KCNIP1: variants seen among roughly 807,000 people sequenced by gnomAD.
KCNIP1 encodes the protein potassium voltage-gated channel interacting protein 1, also known as A-type potassium channel modulatory protein KCNIP1.
A neutral mutation model predicts 33.0 loss-of-function variants in KCNIP1; 18 were observed. That is an observed-to-expected ratio of 0.55 (90% CI 0.38 to 0.81). The LOEUF (loss-of-function observed/expected upper bound fraction) is 0.81. KCNIP1 is among the 30% of genes least tolerant of loss of function. KCNIP1 has a pLI of 0.00. For synonymous variants in KCNIP1, 93 were observed against 98.3 expected, an observed-to-expected ratio of 0.95 and a Z score of 0.32; for missense variants, 238 against 271.6, an observed-to-expected ratio of 0.88 and a Z score of 0.87.
In KCNIP1 at chr5:170,364,401, A is replaced by G. The variant is rs576291679; in HGVS notation, c.88+10437A>G. Among the ~76,000 whole-genome samples the G allele has an allele frequency of 2.6e-5, 4 of 152,208 alleles. No individual in the cohort carries two copies. In the East Asian group the frequency reaches 7.7e-4, roughly 29 times the overall value. On this transcript the variant is annotated intron_variant, in intron 1 of 7. Transcript: ENST00000377360. ...CAATATTCCATTGTCTGGATACTAC[A>G]TTTTGCTTTTTATCCATTGATGGAC...
intron 1 of KCNIP1, among the ~76,000 whole-genome samples, chr5:170,381,339 G>A (rs1224212532): frequency 6.6e-6 from 1 of 152,208 alleles, no homozygotes; most frequent in Non-Finnish European, 1.5e-5. Flanking sequence ...ACAGACAATG[G>A]GAGGGAATTT....
At chr5:170,563,636 T>TG (rs1186795239) in intron 1 of KCNIP1, among the ~76,000 whole-genome samples, 9 of 79,062 alleles carry the variant, frequency 1.1e-4, no homozygotes, top group East Asian at 7.7e-4. Flanking sequence ...TGTTTTGTTT[T>TG]TTTTTTTGTT....
intron 1 of KCNIP1, among the ~76,000 whole-genome samples, chr5:170,442,398 G>A (rs1264846797): frequency 3.9e-5 from 6 of 152,188 alleles, no homozygotes; most frequent in Admixed American, 1.3e-4. Flanking sequence ...TGTCCAAGTC[G>A]CTGTCCTATT....
intron 7 of KCNIP1, 67 bp downstream of exon 7, chr5:170,733,965 G>T: frequency 7.4e-7 from 1 of 1,344,150 alleles, no homozygotes; most frequent in South Asian, 1.2e-5. Flanking sequence ...CTGGGGACCT[G>T]CAGAAGGAAG....
intron 1 of KCNIP1, among the ~76,000 whole-genome samples, chr5:170,359,140 T>G (rs1434948151): frequency 6.6e-6 from 1 of 152,142 alleles, no homozygotes; most frequent in Non-Finnish European, 1.5e-5. Flanking sequence ...TCAGTATCCC[T>G]ATCACCTCTC....
chr5:170,443,857 G>A (rs535281398), intron 1 of KCNIP1, among the ~76,000 whole-genome samples: 9 of 152,334 alleles, frequency 5.9e-5, no homozygotes, highest in African/African-American at 1.9e-4. Context: ...TCCAGAAATG[G>A]GCAGGAAGTG....
At chr5:170,378,737 G>C in intron 1 of KCNIP1, 3 of 1,613,974 alleles carry the variant, frequency 1.9e-6, no homozygotes, top group Non-Finnish European at 2.5e-6. Flanking sequence ...ACAGGTACTG[G>C]TTGCTCTTCA....
intron 1 of KCNIP1, among the ~76,000 whole-genome samples, chr5:170,517,192 A>G (rs1274492206): frequency 6.6e-6 from 1 of 152,116 alleles, no homozygotes; most frequent in Non-Finnish European, 1.5e-5. Flanking sequence ...GCTAAAGGGG[A>G]AGCAGGCATA....
At chr5:170,661,266 G>T (rs1203645277) in intron 1 of KCNIP1, among the ~76,000 whole-genome samples, 1 of 152,206 alleles carries the variant, frequency 6.6e-6, no homozygotes, top group Non-Finnish European at 1.5e-5. Flanking sequence ...GGGTCTGTGT[G>T]TTCCCCTGTG....
chr5:170,671,026 T>C (rs1761901720), intron 1 of KCNIP1, among the ~76,000 whole-genome samples: 1 of 152,160 alleles, frequency 6.6e-6, no homozygotes, highest in Non-Finnish European at 1.5e-5. Context: ...CCTTTAGGCA[T>C]TAACACCACC....
At chr5:170,688,958 A>C (rs983597415) in intron 1 of KCNIP1, among the ~76,000 whole-genome samples, 5 of 141,384 alleles carry the variant, frequency 3.5e-5, no homozygotes, top group Non-Finnish European at 7.8e-5. Context: ...GGATAGAAAG[A>C]AGGGAAGGGT....
chr5:170,370,940 G>A (rs898919440), intron 1 of KCNIP1, among the ~76,000 whole-genome samples: 2 of 152,224 alleles, frequency 1.3e-5, no homozygotes, highest in African/African-American at 2.4e-5. Flanking sequence ...TTTAGTTAAC[G>A]ATAGTAAAAG....
chr5:170,719,577 C>T (rs111998655), intron 2 of KCNIP1, among the ~76,000 whole-genome samples: 112 of 152,164 alleles, frequency 7.4e-4, no homozygotes, highest in African/African-American at 2.5e-3. Flanking sequence ...TGGGCTACAG[C>T]GACATGCACC....
At chr5:170,506,256 T>C (rs1754713375) in intron 1 of KCNIP1, among the ~76,000 whole-genome samples, 1 of 152,136 alleles carries the variant, frequency 6.6e-6, no homozygotes, top group Non-Finnish European at 1.5e-5. Context: ...ACTCCCTGCC[T>C]CTGGGACCTT....
At chr5:170,408,851 T>G (rs1379229452) in intron 1 of KCNIP1, among the ~76,000 whole-genome samples, 1 of 152,118 alleles carries the variant, frequency 6.6e-6, no homozygotes, top group African/African-American at 2.4e-5. Flanking sequence ...TGGGTCTTTT[T>G]GCGTGGGTAT....
At chr5:170,462,290 CA>C (rs939628528) in intron 1 of KCNIP1, among the ~76,000 whole-genome samples, 3 of 135,426 alleles carry the variant, frequency 2.2e-5, no homozygotes, top group Admixed American at 7.2e-5. Flanking sequence ...AAAAAACTAC[CA>C]AAAAAAATCA....
intron 1 of KCNIP1, among the ~76,000 whole-genome samples, chr5:170,382,458 C>T (rs886532500): frequency 1.3e-5 from 2 of 152,084 alleles, no homozygotes; most frequent in African/African-American, 4.8e-5. Context: ...CCTTAGTCTG[C>T]CCTGACAGCC....
chr5:170,392,341 G>GA (rs1200023738), intron 1 of KCNIP1, among the ~76,000 whole-genome samples: 4 of 152,108 alleles, frequency 2.6e-5, no homozygotes, highest in Non-Finnish European at 4.4e-5. Flanking sequence ...TCCACGAGAA[G>GA]AAAAAAACTA....
At chr5:170,585,424 G>A (rs1193886963) in intron 1 of KCNIP1, among the ~76,000 whole-genome samples, 2 of 152,098 alleles carry the variant, frequency 1.3e-5, no homozygotes, top group Non-Finnish European at 2.9e-5. Context: ...GACTTCCTCT[G>A]GCACATTCCA....
Sources: allele counts gnomAD v4.1 joint callset (sites outside exome capture counted in the v4.1 genomes callset), GRCh38; gene constraint gnomAD v4.1.1; transcripts MANE v1.5; gene names NCBI Gene and HGNC (gene_info 2026-07-23, HGNC 2026-07-21).